CHMP4C: variants seen among roughly 807,000 people sequenced by gnomAD.
CHMP4C encodes the protein charged multivesicular body protein 4C.
Under a neutral mutation model 29.0 loss-of-function variants are expected in CHMP4C, and 28 were observed. The ratio of observed to expected loss-of-function variants is 0.97; its 90% CI spans 0.72 to 1.32. CHMP4C has a LOEUF of 1.32. Ranked by LOEUF, CHMP4C falls within the 40% of genes most tolerant of loss-of-function variation. The pLI, the probability that CHMP4C is intolerant of heterozygous loss-of-function variation, is 0.00. For synonymous variants in CHMP4C, 106 were observed against 102.4 expected, an observed-to-expected ratio of 1.04 and a Z score of -0.21; for missense variants, 291 against 281.0, an observed-to-expected ratio of 1.04 and a Z score of -0.25.
At chr8:81,739,897 C>G (rs1215826257) in intron 1 of CHMP4C, among the ~76,000 whole-genome samples, 1 of 152,160 alleles carries the variant, frequency 6.6e-6, no homozygotes, top group South Asian at 2.1e-4. Context: ...AAACTCCCAG[C>G]CAAATTATTC....
At chr8:81,745,013 T>C (rs1212159034) in intron 1 of CHMP4C, among the ~76,000 whole-genome samples, 2 of 152,220 alleles carry the variant, frequency 1.3e-5, no homozygotes. Context: ...TGAGCAGATA[T>C]ATTTTGTTTT....
At chr8:81,738,233 G>A (rs920267617) in intron 1 of CHMP4C, among the ~76,000 whole-genome samples, 1 of 152,300 alleles carries the variant, frequency 6.6e-6, no homozygotes. Context: ...TGATTTGTAG[G>A]CTGATAAGGA....
rs765034377 is a variant in CHMP4C, at chr8:81,758,284, G to A, written c.626G>A (p.Arg209Gln). 8 of 1,613,784 alleles carry A rather than the reference G, an allele frequency of 5.0e-6. No homozygotes were observed. Among genetic ancestry groups the A allele is most frequent in the African/African-American group, 1.3e-5 (1 of 74,896 alleles). The change falls in exon 4 of 5, where the codon CGA becomes CAA. Residue 209 changes from arginine (R) to glutamine (Q), a missense_variant. Coordinates refer to ENST00000297265, the MANE Select transcript of CHMP4C (RefSeq NM_152284.4). ...CCAGGCATGTCGTCCACTGCACGTC[G>A]ATCCCGAGCAGGTCTGTTACCCAGC... ...RKPGMSSTAR[R>Q]SRAASSQRAE...
intron 1 of CHMP4C, among the ~76,000 whole-genome samples, chr8:81,747,528 T>C (rs77205010): frequency 0.012 from 1,829 of 152,242 alleles, 34 homozygotes; most frequent in African/African-American, 0.041. Flanking sequence ...TGAATAGTAC[T>C]GTTTGTTGTA....
chr8:81,737,006 C>T (rs907862959), intron 1 of CHMP4C, among the ~76,000 whole-genome samples: 2 of 152,094 alleles, frequency 1.3e-5, no homozygotes, highest in Non-Finnish European at 2.9e-5. Flanking sequence ...CTATCCAAGC[C>T]TCTGTTGATC....
chr8:81,749,214 G>A (rs961706598), intron 1 of CHMP4C, among the ~76,000 whole-genome samples: 6 of 152,164 alleles, frequency 3.9e-5, no homozygotes, highest in African/African-American at 1.2e-4. Flanking sequence ...ATTATATCAT[G>A]CTGTCCTTGT....
rs1808997808 is a variant in CHMP4C, at chr8:81,758,309, C to G, written c.637+14C>G. ...GATCCCGAGCAGGTCTGTTACCCAG[C>G]TCAACTACATGTGGTCAGATAGTTG... On this transcript the variant is annotated intron_variant, in intron 4 of 4. Transcript: ENST00000297265. 1 of 1,613,626 alleles carries G rather than the reference C, an allele frequency of 6.2e-7. No homozygotes were observed. Among genetic ancestry groups the G allele is most frequent in the Non-Finnish European group, 8.5e-7 (1 of 1,179,680 alleles).
chr8:81,753,083 G>A lies in CHMP4C; in HGVS notation c.210G>A (p.Lys70=), dbSNP rs1173277123. 1 of 1,610,256 alleles carries A rather than the reference G, an allele frequency of 6.2e-7. No homozygotes were observed. Among genetic ancestry groups the A allele is most frequent in the Non-Finnish European group, 8.5e-7 (1 of 1,178,294 alleles). The change falls in exon 2 of 5, where the codon AAG becomes AAA. Residue 70 remains lysine, a synonymous_variant. Coordinates refer to ENST00000297265, the MANE Select transcript of CHMP4C (RefSeq NM_152284.4). ...QNKRAALQAL[K]RKKRFEKQLT... is the part of the protein sequence containing the mutation. ...ATTTAGCTGCATTACAGGCACTAAA[G>A]AGAAAGAAGAGGTTCGAGAAACAGC...
intron 1 of CHMP4C, among the ~76,000 whole-genome samples, chr8:81,737,056 A>C (rs1256703737): frequency 6.6e-6 from 1 of 152,230 alleles, no homozygotes; most frequent in African/African-American, 2.4e-5. Context: ...AATTTGGTTA[A>C]AAACTTTAGG....
intron 1 of CHMP4C, among the ~76,000 whole-genome samples, chr8:81,745,237 T>A (rs1044922502): frequency 9.2e-5 from 14 of 152,210 alleles, no homozygotes; most frequent in African/African-American, 2.7e-4. Flanking sequence ...ATGTGTGACA[T>A]GTCTCTTAAG....
chr8:81,753,230 T>C lies in CHMP4C; in HGVS notation c.357T>C (p.Val119=). Residue 119 remains valine (V), a synonymous_variant, in exon 2 of 5, where the codon GTT becomes GTC. Transcript: ENST00000297265. ...MGFAAKAMKS[V]HENMDLNKID... ...TTGCAGCAAAAGCGATGAAATCTGT[T>C]CATGAAAACATGTGAGTGACTCTGG... 1 of 1,602,172 alleles carries C rather than the reference T, an allele frequency of 6.2e-7. No homozygotes were observed. The highest frequency in any genetic ancestry group is 8.5e-7 in the Non-Finnish European group (1 of 1,174,648).
intron 3 of CHMP4C, among the ~76,000 whole-genome samples, chr8:81,756,242 A>G (rs1036638498): frequency 6.6e-6 from 1 of 152,150 alleles, no homozygotes; most frequent in Non-Finnish European, 1.5e-5. Flanking sequence ...TATGGCTTGC[A>G]GGCCAAATTC....
At chr8:81,756,961 C>T (rs1212384298) in intron 3 of CHMP4C, among the ~76,000 whole-genome samples, 1 of 152,100 alleles carries the variant, frequency 6.6e-6, no homozygotes, top group African/African-American at 2.4e-5. Context: ...ATGCTATACA[C>T]CTTCATATTT....
chr8:81,733,526 T>TA (rs1200047063), intron 1 of CHMP4C, among the ~76,000 whole-genome samples: 2,989 of 144,388 alleles, frequency 0.021, 92 homozygotes, highest in African/African-American at 0.069. Context: ...GTTGAAGTCT[T>TA]AAAAAAAAAA....
chr8:81,737,627 A>G (rs1164583649), intron 1 of CHMP4C, among the ~76,000 whole-genome samples: 1 of 152,236 alleles, frequency 6.6e-6, no homozygotes. Flanking sequence ...AGCCAAATAA[A>G]GTCCCACATT....
chr8:81,734,091 A>G (rs557898237), intron 1 of CHMP4C, among the ~76,000 whole-genome samples: 33 of 152,302 alleles, frequency 2.2e-4, no homozygotes, highest in African/African-American at 6.5e-4. Flanking sequence ...ACTGATTTCT[A>G]CTTTTACTTT....
At chr8:81,748,421 GAA>G (rs1157025799) in intron 1 of CHMP4C, among the ~76,000 whole-genome samples, 1 of 152,164 alleles carries the variant, frequency 6.6e-6, no homozygotes, top group Non-Finnish European at 1.5e-5. Flanking sequence ...AAGTGTCCAT[GAA>G]ATCTTTACAA....
intron 1 of CHMP4C, among the ~76,000 whole-genome samples, chr8:81,748,881 C>T (rs551431808): frequency 3.0e-4 from 44 of 147,512 alleles, no homozygotes; most frequent in African/African-American, 9.5e-4. Context: ...GAGCCAAGAT[C>T]GCGCCACTGC....
chr8:81,732,846 GCC>G (rs1808636715), intron 1 of CHMP4C, 30 bp downstream of exon 1: 4 of 1,592,194 alleles, frequency 2.5e-6, no homozygotes, highest in Non-Finnish European at 3.4e-6. Flanking sequence ...ACAGGCGGGA[GCC>G]CATCTGCCTC....
Sources: gnomAD v4.1 joint callset for allele counts (sites outside exome capture counted in the v4.1 genomes callset) on GRCh38, gnomAD v4.1.1 for gene constraint, MANE v1.5 for transcripts, NCBI Gene and HGNC (gene_info 2026-07-23, HGNC 2026-07-21) for gene names.